The following PIK3CB variants were observed in gnomAD, a reference collection of about 807,000 sequenced individuals.
The protein encoded by PIK3CB is phosphatidylinositol 4,5-bisphosphate 3-kinase catalytic subunit beta isoform.
PIK3CB carries 39 observed loss-of-function variants against 136.8 expected under a neutral mutation model. That is an observed-to-expected ratio of 0.29 (90% confidence interval 0.22 to 0.37). PIK3CB has a LOEUF of 0.37. PIK3CB is among the 10% of genes least tolerant of loss of function. The probability of loss-of-function intolerance (pLI) is 1.00; values close to 1 mark genes in which losing one functional copy is unlikely to be tolerated. For missense variants in PIK3CB, 868 were observed against 1,275.4 expected (o/e 0.68, Z 4.87); for synonymous variants, 428 against 436.6 (o/e 0.98, Z 0.25).
intron 8 of PIK3CB, among the ~76,000 whole-genome samples, chr3:138,715,547 C>A (rs2044589534): frequency 6.6e-6 from 1 of 152,138 alleles, no homozygotes; most frequent in Admixed American, 6.6e-5. Context: ...ATTGTTTAGG[C>A]TTATCTTTCA....
chr3:138,793,389 C>G (rs558658700), intron 2 of PIK3CB, among the ~76,000 whole-genome samples: 3 of 149,960 alleles, frequency 2.0e-5, no homozygotes, highest in Admixed American at 6.6e-5. Flanking sequence ...GCGGATCCCG[C>G]GAGGTGAGGA....
rs2043143620 is a variant in PIK3CB, at chr3:138,653,012, T to C, written c.*2377A>G. On this transcript the variant is annotated 3_prime_UTR_variant, in exon 24 of 24. Transcript: ENST00000674063. Reference sequence around the variant, plus strand: ...AACAACAATGAAACTTACAATAAAGTCACTTACCCAGGAATCTAACAAACG... The same window carrying C: ...AACAACAATGAAACTTACAATAAAGCCACTTACCCAGGAATCTAACAAACG... The C allele has an allele frequency of 4.8e-6, 1 of 210,286 alleles. No individual in the cohort carries two copies. Among genetic ancestry groups the C allele is most frequent in the Non-Finnish European group, 9.6e-6 (1 of 103,836 alleles). 13.0% of individuals were successfully genotyped at this position (210,286 alleles called of 1,614,324 possible).
At chr3:138,814,254 G>C (rs904113210) in intron 1 of PIK3CB, among the ~76,000 whole-genome samples, 1 of 152,088 alleles carries the variant, frequency 6.6e-6, no homozygotes, top group Non-Finnish European at 1.5e-5. Context: ...CAGGCGGGAG[G>C]ATCACTTGAA....
intron 19 of PIK3CB, among the ~76,000 whole-genome samples, chr3:138,672,596 T>C (rs1359844882): frequency 6.6e-6 from 1 of 151,820 alleles, no homozygotes; most frequent in African/African-American, 2.4e-5. Context: ...TCCCAAGAAC[T>C]AAAAAAGAAC....
At chr3:138,684,851 T>C (rs753438701) in intron 16 of PIK3CB, 48 bp from the exon 17 acceptor site, 18 of 1,356,444 alleles carry the variant, frequency 1.3e-5, no homozygotes, top group Non-Finnish European at 1.8e-5. Context: ...CTAAAAGTAA[T>C]ATAATATCAT....
chr3:138,781,750 C>A (rs1404488152), intron 2 of PIK3CB, among the ~76,000 whole-genome samples: 1 of 152,014 alleles, frequency 6.6e-6, no homozygotes, highest in Non-Finnish European at 1.5e-5. Context: ...CCACCGTGCC[C>A]GGCCCAAAAA....
At chr3:138,768,873 C>T (rs1191129695) in intron 2 of PIK3CB, among the ~76,000 whole-genome samples, 1 of 152,246 alleles carries the variant, frequency 6.6e-6, no homozygotes, top group Non-Finnish European at 1.5e-5. Context: ...AAAAGCCAGA[C>T]AGTGGGAGCA....
chr3:138,712,053 TTAAAA>T (rs960480906), intron 10 of PIK3CB, among the ~76,000 whole-genome samples, 150 bp downstream of exon 10: 2 of 152,004 alleles, frequency 1.3e-5, no homozygotes, highest in Non-Finnish European at 2.9e-5. Flanking sequence ...TATGATAATA[TTAAAA>T]TAATTTGTGT....
intron 2 of PIK3CB, among the ~76,000 whole-genome samples, chr3:138,767,573 C>T (rs1238266142): frequency 1.3e-5 from 2 of 152,176 alleles, no homozygotes; most frequent in African/African-American, 2.4e-5. Context: ...AGGCTGCACT[C>T]GATTCACACT....
intron 8 of PIK3CB, among the ~76,000 whole-genome samples, chr3:138,732,436 C>G (rs548815645): frequency 1.3e-4 from 20 of 152,250 alleles, no homozygotes; most frequent in African/African-American, 4.8e-4. Flanking sequence ...TAATTTTTGG[C>G]AAGGGGCTCC....
intron 19 of PIK3CB, among the ~76,000 whole-genome samples, chr3:138,671,731 G>A (rs62280710): frequency 2.1e-3 from 323 of 152,366 alleles, no homozygotes; most frequent in Non-Finnish European, 3.6e-3. Flanking sequence ...TTACTTCTGC[G>A]TAGAGGGGTG....
At chr3:138,790,161 C>T (rs1238369279) in intron 2 of PIK3CB, among the ~76,000 whole-genome samples, 1 of 151,996 alleles carries the variant, frequency 6.6e-6, no homozygotes, top group African/African-American at 2.4e-5. Flanking sequence ...GAAAATAGAA[C>T]AGTGGTTTCT....
intron 1 of PIK3CB, among the ~76,000 whole-genome samples, chr3:138,828,119 T>A (rs1933864012): frequency 1.3e-5 from 2 of 151,976 alleles, no homozygotes. Context: ...CATTGTACAT[T>A]CAATCAAAAG....
intron 1 of PIK3CB, among the ~76,000 whole-genome samples, chr3:138,812,391 C>T (rs1279704911): frequency 6.6e-6 from 1 of 151,826 alleles, no homozygotes; most frequent in Non-Finnish European, 1.5e-5. Flanking sequence ...CACGCGCCAC[C>T]ACTCCTGGCT....
At chr3:138,662,722 C>T (rs1227561416) in intron 21 of PIK3CB, among the ~76,000 whole-genome samples, 3 of 151,674 alleles carry the variant, frequency 2.0e-5, no homozygotes, top group South Asian at 2.1e-4. Flanking sequence ...GTTTACAGTC[C>T]CACCAACAAT....
intron 1 of PIK3CB, among the ~76,000 whole-genome samples, chr3:138,820,783 C>A (rs1174086088): frequency 6.6e-6 from 1 of 152,190 alleles, no homozygotes; most frequent in South Asian, 2.1e-4. Context: ...CATGAGCCAC[C>A]GTGCCTGGTC....
intron 8 of PIK3CB, among the ~76,000 whole-genome samples, chr3:138,718,053 T>C (rs1273886403): frequency 6.6e-6 from 1 of 152,206 alleles, no homozygotes; most frequent in African/African-American, 2.4e-5. Flanking sequence ...ATATACCCAG[T>C]AATAGGATTG....
chr3:138,698,798 C>A, intron 13 of PIK3CB, 109 bp downstream of exon 13: 1 of 604,106 alleles, frequency 1.7e-6, no homozygotes, highest in Non-Finnish European at 2.8e-6. Flanking sequence ...ATTTCTCCTG[C>A]TTAAATTATC....
At chr3:138,808,715 C>CCTCT (rs541024402) in intron 1 of PIK3CB, among the ~76,000 whole-genome samples, 2 of 147,612 alleles carry the variant, frequency 1.4e-5, no homozygotes, top group South Asian at 2.1e-4. Context: ...AAATCTAGGC[C>CCTCT]CTCTCTCTCT....
Sources: allele counts gnomAD v4.1 joint callset (sites outside exome capture counted in the v4.1 genomes callset), GRCh38; gene constraint gnomAD v4.1.1; transcripts MANE v1.5; gene names NCBI Gene and HGNC (gene_info 2026-07-23, HGNC 2026-07-21).